Variants in PALM2AKAP2 observed in about 807,000 individuals in gnomAD.
The protein encoded by PALM2AKAP2 is PALM2-AKAP2 fusion protein.
In PALM2AKAP2, 37 loss-of-function variants were observed where a neutral mutation model predicts 71.5. The ratio of observed to expected loss-of-function variants is 0.52; its 90% CI spans 0.40 to 0.68. PALM2AKAP2 has a LOEUF of 0.68. PALM2AKAP2 is among the 30% of genes least tolerant of loss of function. The pLI is 0.00. For missense variants in PALM2AKAP2, 1,224 were observed against 1,191.8 expected, an observed-to-expected ratio of 1.03 and a Z score of -0.40; for synonymous variants, 468 against 478.8, an observed-to-expected ratio of 0.98 and a Z score of 0.29.
intron 6 of PALM2AKAP2, among the ~76,000 whole-genome samples, chr9:109,972,080 T>C (rs1321162588): frequency 2.6e-5 from 4 of 152,222 alleles, no homozygotes; most frequent in Non-Finnish European, 5.9e-5. Flanking sequence ...TGCACATCTG[T>C]CCCTTTACTA....
intron 6 of PALM2AKAP2, among the ~76,000 whole-genome samples, chr9:109,956,216 G>T (rs1831744619): frequency 6.6e-6 from 1 of 152,028 alleles, no homozygotes; most frequent in African/African-American, 2.4e-5. Flanking sequence ...TGTTGGCCAG[G>T]CTGGTCTCAA....
At chr9:109,858,711 C>A (rs934573131) in intron 1 of PALM2AKAP2, among the ~76,000 whole-genome samples, 1 of 152,166 alleles carries the variant, frequency 6.6e-6, no homozygotes, top group Admixed American at 6.5e-5. Context: ...TTCTGCCTAC[C>A]TGTACAGAAA....
intron 7 of PALM2AKAP2, among the ~76,000 whole-genome samples, chr9:110,034,009 G>A (rs60174462): frequency 6.6e-6 from 1 of 152,144 alleles, no homozygotes; most frequent in Non-Finnish European, 1.5e-5. Context: ...ACCTATGGAA[G>A]GTCCTGCTCA....
At chr9:109,817,679 G>A (rs1404671268) in intron 1 of PALM2AKAP2, among the ~76,000 whole-genome samples, 2 of 152,118 alleles carry the variant, frequency 1.3e-5, no homozygotes, top group Admixed American at 6.6e-5. Flanking sequence ...ACCTCACAGC[G>A]GTGACTACTG....
chr9:110,016,866 A>G (rs1293228080), intron 7 of PALM2AKAP2, among the ~76,000 whole-genome samples: 1 of 152,202 alleles, frequency 6.6e-6, no homozygotes, highest in African/African-American at 2.4e-5. Context: ...TATTTTATAT[A>G]GAGCTGTAAC....
intron 1 of PALM2AKAP2, among the ~76,000 whole-genome samples, chr9:109,841,007 C>T (rs1828646887): frequency 6.6e-6 from 1 of 152,122 alleles, no homozygotes; most frequent in South Asian, 2.1e-4. Flanking sequence ...CCCAGCCATC[C>T]CATTACTGGG....
At chr9:109,671,845 T>C (rs1347027812) in intron 1 of PALM2AKAP2, among the ~76,000 whole-genome samples, 1 of 152,156 alleles carries the variant, frequency 6.6e-6, no homozygotes, top group Non-Finnish European at 1.5e-5. Flanking sequence ...AGGAATTTTA[T>C]TATTTTTGTG....
In PALM2AKAP2 at chr9:109,995,474, G is replaced by C. The variant is rs1832556466; in HGVS notation, c.497-20480G>C. 2.6e-5 allele frequency among the ~76,000 whole-genome samples: 4 copies of C among 152,116 alleles called. No homozygotes were observed. In the South Asian group the frequency reaches 8.3e-4, roughly 32 times the overall value. ...GCTAAAAAAGACATACCCAAGACTG[G>C]GTAATTTATAAACAAAAGAGATTTA... On this transcript the variant is annotated intron_variant, in intron 6 of 9. Transcript: ENST00000302798.
intron 1 of PALM2AKAP2, among the ~76,000 whole-genome samples, chr9:109,866,004 C>A (rs749240189): frequency 6.6e-6 from 1 of 152,168 alleles, no homozygotes; most frequent in Non-Finnish European, 1.5e-5. Flanking sequence ...GATTGGAGTT[C>A]TTTGGTAAAT....
chr9:109,867,890 A>T (rs2131699208), intron 2 of PALM2AKAP2, among the ~76,000 whole-genome samples: 1 of 152,208 alleles, frequency 6.6e-6, no homozygotes, highest in African/African-American at 2.4e-5. Flanking sequence ...GCATTTCAGG[A>T]TTGTTTCTCC....
At chr9:109,776,349 T>G (rs1012963080), upstream of PALM2AKAP2, among the ~76,000 whole-genome samples, 1 of 152,208 alleles carries the variant, frequency 6.6e-6, no homozygotes, top group African/African-American at 2.4e-5. Context: ...CTGTTTCACC[T>G]AGGGTTCTTG....
intron 1 of PALM2AKAP2, among the ~76,000 whole-genome samples, chr9:110,050,803 T>C (rs1024048401): frequency 6.6e-6 from 1 of 151,838 alleles, no homozygotes; most frequent in East Asian, 1.9e-4. Flanking sequence ...AATTTTTATA[T>C]TTTTAGTAGA....
intron 3 of PALM2AKAP2, among the ~76,000 whole-genome samples, chr9:109,892,043 A>G (rs1194910704): frequency 6.6e-6 from 1 of 152,202 alleles, no homozygotes. Context: ...TGTAAACTCC[A>G]CCAGAGTAAG....
intron 1 of PALM2AKAP2, among the ~76,000 whole-genome samples, chr9:109,726,715 T>G (rs184784612): frequency 2.9e-4 from 44 of 152,342 alleles, no homozygotes; most frequent in South Asian, 1.4e-3. Context: ...AGTGTATAGG[T>G]TAAATCAAGT....
chr9:109,650,892 A>G (rs1381282321), intron 1 of PALM2AKAP2, among the ~76,000 whole-genome samples: 1 of 152,236 alleles, frequency 6.6e-6, no homozygotes, highest in Non-Finnish European at 1.5e-5. Flanking sequence ...ATTGTTATTA[A>G]CAAATCTGTT....
chr9:109,857,672 G>C (rs1037472759), intron 1 of PALM2AKAP2, among the ~76,000 whole-genome samples: 1 of 152,144 alleles, frequency 6.6e-6, no homozygotes, highest in African/African-American at 2.4e-5. Context: ...AAGTACTCTG[G>C]AGTGAGACTG....
At chr9:109,903,124 G>C (rs549284832) in intron 3 of PALM2AKAP2, among the ~76,000 whole-genome samples, 8 of 152,114 alleles carry the variant, frequency 5.3e-5, no homozygotes, top group Non-Finnish European at 1.2e-4. Flanking sequence ...CTTGAGCAAA[G>C]GGCCTGGGAC....
chr9:109,697,452 T>A (rs879488428), intron 1 of PALM2AKAP2, among the ~76,000 whole-genome samples: 1 of 152,198 alleles, frequency 6.6e-6, no homozygotes, highest in Non-Finnish European at 1.5e-5. Flanking sequence ...ATACTTTTTC[T>A]ACCTTTTAAA....
chr9:110,104,571 A>C (rs1167943008), intron 1 of PALM2AKAP2, among the ~76,000 whole-genome samples: 2 of 152,214 alleles, frequency 1.3e-5, no homozygotes, highest in Non-Finnish European at 2.9e-5. Context: ...GAAACCCCTC[A>C]GACCTGAATA....
Sources: allele counts gnomAD v4.1 joint callset (sites outside exome capture counted in the v4.1 genomes callset), GRCh38; gene constraint gnomAD v4.1.1; transcripts MANE v1.5; gene names NCBI Gene and HGNC (gene_info 2026-07-23, HGNC 2026-07-21).